Variants in TMC6 observed in about 807,000 individuals in gnomAD.
TMC6 encodes the protein transmembrane channel-like protein 6.
A neutral mutation model predicts 95.4 loss-of-function variants in TMC6; 71 were observed. The observed-to-expected ratio is 0.74, with a 90% CI of 0.61 to 0.91. The LOEUF is 0.91. Ranked by LOEUF, TMC6 falls within the 40% of genes least tolerant of loss-of-function variation. TMC6 has a pLI of 0.00. For synonymous variants in TMC6, 514 were observed against 483.1 expected (o/e 1.06, Z -0.84); for missense variants, 1,074 against 1,079.1 (o/e 1.00, Z 0.07).
chr17:78,116,684 C>T (rs1015941417), intron 18 of TMC6, among the ~76,000 whole-genome samples: 14 of 152,120 alleles, frequency 9.2e-5, no homozygotes, highest in Non-Finnish European at 1.8e-4. Context: ...AGCTCGAGAC[C>T]AGCCTGGGCA....
At chr17:78,115,120 G>A (rs1274368669) in intron 18 of TMC6, among the ~76,000 whole-genome samples, 1 of 152,238 alleles carries the variant, frequency 6.6e-6, no homozygotes, top group Non-Finnish European at 1.5e-5. Flanking sequence ...CAGGAGATGG[G>A]ACAGTGTGTA....
At chr17:78,120,045 C>A (rs1205148735) in intron 13 of TMC6, 1 of 389,500 alleles carries the variant, frequency 2.6e-6, no homozygotes, top group Non-Finnish European at 5.0e-6. Context: ...GTGCCAGAAC[C>A]CACAGCGGAA....
chr17:78,111,714 C>T lies in TMC6; in HGVS notation c.*1434G>A, dbSNP rs1334910812. On this transcript the variant is annotated 3_prime_UTR_variant, in exon 20 of 20. Transcript: ENST00000590602. Reference sequence around the variant, plus strand: ...ATGGGATTGGGTGGGCTAGACCCAGCGTGGGGGTCTGCTAGCAGCCAGTGG... The same window carrying T: ...ATGGGATTGGGTGGGCTAGACCCAGTGTGGGGGTCTGCTAGCAGCCAGTGG... The T allele has an allele frequency of 5.8e-6, 1 of 171,076 alleles. No individual in the cohort carries two copies. Among genetic ancestry groups the T allele is most frequent in the South Asian group, 1.1e-4 (1 of 9,000 alleles). 10.6% of individuals were successfully genotyped at this position (171,076 alleles called of 1,614,324 possible).
chr17:78,117,764 A>G (rs1436521173), intron 16 of TMC6, 38 bp downstream of exon 16: 3 of 1,594,300 alleles, frequency 1.9e-6, no homozygotes, highest in Non-Finnish European at 2.6e-6. Flanking sequence ...CAACCCCCAG[A>G]TGACACAGAA....
At chr17:78,123,861 G>T in intron 9 of TMC6, 128 bp downstream of exon 9, 1 of 1,259,224 alleles carries the variant, frequency 7.9e-7, no homozygotes, top group South Asian at 1.3e-5. Context: ...GGATAGGTGA[G>T]TGGATGAGAG....
rs1037546722 is a variant in TMC6 at position 78,117,318 on chromosome 17, A to C, written c.2228T>G (p.Val743Gly). 3 of 1,613,420 alleles carry C rather than the reference A, an allele frequency of 1.9e-6. No individual in the cohort carries two copies. The highest frequency in any genetic ancestry group is 1.7e-4 in the Middle Eastern group (1 of 6,060). Residue 743 changes from valine (V) to glycine (G), a missense_variant, in exon 18 of 20, where the codon GTG becomes GGG. Val to Gly is a moderately radical substitution (Grantham distance 109). Coordinates refer to ENST00000590602, the MANE Select transcript of TMC6 (RefSeq NM_001127198.5). ...LAVIYLNIQV[V>G]RGQRKVICLL... ...GCAGATGACCTTGCGCTGGCCCCGCACCACCTGGATGTTGAGGTAGATCAC... is the reference window on the plus strand; with the variant it reads ...GCAGATGACCTTGCGCTGGCCCCGCCCCACCTGGATGTTGAGGTAGATCAC...
chr17:78,131,986 C>A (rs1052765172), upstream of TMC6: 7 of 1,526,788 alleles, frequency 4.6e-6, no homozygotes, highest in Non-Finnish European at 6.1e-6. Context: ...CAGCGGCTGG[C>A]CCGGGGCCTT....
intron 15 of TMC6, 165 bp from the exon 16 acceptor site, chr17:78,118,100 C>T (rs1350520318): frequency 3.1e-6 from 4 of 1,271,610 alleles, no homozygotes; most frequent in South Asian, 1.4e-5. Context: ...AGAAGCCTGC[C>T]GGTCACTTGC....
chr17:78,129,124 C>T (rs563626757), upstream of TMC6, among the ~76,000 whole-genome samples: 554 of 151,750 alleles, frequency 3.7e-3, 9 homozygotes, highest in African/African-American at 0.012. The surrounding 1 kb of genome is among the most constrained non-coding windows in gnomAD (Gnocchi z 4.3). Flanking sequence ...GCGCCCCCCC[C>T]CCCGCCGCCC....
chr17:78,115,977 G>A (rs2074086479), intron 18 of TMC6, among the ~76,000 whole-genome samples: 1 of 151,868 alleles, frequency 6.6e-6, no homozygotes, highest in Non-Finnish European at 1.5e-5. Flanking sequence ...TGCCTCTCCG[G>A]TATGGGGTCC....
At chr17:78,131,623 C>T (rs748499539), upstream of TMC6, 38 of 1,551,320 alleles carry the variant, frequency 2.4e-5, no homozygotes, top group Admixed American at 6.0e-4. Context: ...TCGGAGCGGG[C>T]CCCTGGGGTG....
chr17:78,126,165 T>C (rs2074702688), intron 4 of TMC6, 112 bp downstream of exon 4: 2 of 1,424,242 alleles, frequency 1.4e-6, no homozygotes, highest in Non-Finnish European at 1.9e-6. Context: ...GGCTCTGAGC[T>C]ACGGGAGCAG....
intron 6 of TMC6, 45 bp downstream of exon 6, chr17:78,125,113 T>A: frequency 1.9e-6 from 3 of 1,548,622 alleles, no homozygotes; most frequent in Non-Finnish European, 2.6e-6. Context: ...GAAGTGGGTC[T>A]GGGGGCGCAG....
intron 15 of TMC6, chr17:78,118,252 C>T: frequency 2.2e-6 from 1 of 456,270 alleles, no homozygotes; most frequent in South Asian, 2.2e-5. Context: ...AAACAAAAGG[C>T]CAGACGAGAC....
intron 15 of TMC6, 166 bp from the exon 16 acceptor site, chr17:78,118,101 G>A (rs1323019988): frequency 1.0e-5 from 13 of 1,273,650 alleles, no homozygotes; most frequent in African/African-American, 6.0e-5. Context: ...GAAGCCTGCC[G>A]GTCACTTGCA....
At position 78,126,336 on chromosome 17, in the gene TMC6, TC is replaced by T; in HGVS notation, c.211del (p.Glu71ArgfsTer80). The T allele has an allele frequency of 6.3e-7, 1 of 1,580,164 alleles. No individual in the cohort carries two copies. On this transcript the variant is annotated frameshift_variant, in exon 4 of 20. Transcript: ENST00000590602. LOFTEE classifies it high-confidence loss of function. ...GAGTGTGGCCGTGCTCTGGGTGCCC[TC>T]GGGCCGCCAGAGTGTCTGCTGGCTA... ...GSSQQTLWRPEGTQSTATLRI... is the reference protein window; with the variant it reads ...GSSQQTLWRPXGTQSTATLRI...
rs200205731 is a variant in TMC6, at chr17:78,119,401, G to A, written c.1716-9C>T. On this transcript the variant is annotated splice_polypyrimidine_tract_variant and intron_variant, in intron 13 of 19. Coordinates refer to ENST00000590602, the MANE Select transcript of TMC6 (RefSeq NM_001127198.5). The stretch of plus-strand genomic sequence containing the variant: ...TCTTCTCGGAGATAATCCTGCCTCC[G>A]AGGACCCCGGATCGTTAGATGGGAA... 21 of 1,613,664 alleles carry A rather than the reference G, an allele frequency of 1.3e-5. No homozygotes were observed. In the African/African-American group the frequency reaches 1.7e-4, roughly 13 times the overall value.
In TMC6 at chr17:78,121,819, G is replaced by A; in HGVS notation, c.1228-108C>T. On this transcript the variant is annotated intron_variant, in intron 10 of 19. Transcript: ENST00000590602. The surrounding 1 kb of genome is among the most constrained non-coding windows in gnomAD (Gnocchi z 5.6). ...ACACATGAGACACACCAGGAGGCTT[G>A]AACCAGGACAGAGGGCCAGTTCCCC... 2 of 1,404,686 alleles carry A rather than the reference G, an allele frequency of 1.4e-6. No homozygotes were observed. Among genetic ancestry groups the A allele is most frequent in the East Asian group, 2.5e-5 (1 of 39,878 alleles). 87.0% of individuals were successfully genotyped at this position (1,404,686 alleles called of 1,614,324 possible). A position where few individuals can be genotyped will look rare whatever the true frequency, so the allele number is the denominator to read the frequency against.
chr17:78,125,720 A>G lies in TMC6; in HGVS notation c.430+6T>C, dbSNP rs753678919. ...GCCACTGGGGCTCCAGTGCCCACTCACTCACCCTCCTCCTCCAGGGCCGTG... is the reference window on the plus strand; with the variant it reads ...GCCACTGGGGCTCCAGTGCCCACTCGCTCACCCTCCTCCTCCAGGGCCGTG... On this transcript the variant is annotated splice_donor_region_variant and intron_variant, in intron 5 of 19. Transcript: ENST00000590602. 6 of 1,562,232 alleles carry G rather than the reference A, an allele frequency of 3.8e-6. No individual in the cohort carries two copies. Among genetic ancestry groups the G allele is most frequent in the Non-Finnish European group, 5.2e-6 (6 of 1,154,064 alleles).
Sources: gnomAD v4.1 joint callset for allele counts (sites outside exome capture counted in the v4.1 genomes callset) on GRCh38, gnomAD v4.1.1 for gene constraint, Gnocchi (gnomAD v3.1) non-coding constraint, MANE v1.5 for transcripts, NCBI Gene and HGNC (gene_info 2026-07-23, HGNC 2026-07-21) for gene names.